Variants in NRXN3 observed in about 807,000 individuals in gnomAD.
NRXN3 encodes neurexin 3.
Under a neutral mutation model 137.6 loss-of-function variants are expected in NRXN3, and 32 were observed. That is an observed-to-expected ratio of 0.23 (90% CI 0.18 to 0.31). The LOEUF (loss-of-function observed/expected upper bound fraction) is 0.31. Among genes scored for constraint, NRXN3 ranks in the 10% least tolerant of loss-of-function variants. The pLI is 1.00. For missense variants in NRXN3, 1,574 were observed against 2,062.5 expected (o/e 0.76, Z 4.59); for synonymous variants, 798 against 784.5 (o/e 1.02, Z -0.29).
chr14:79,842,020 T>C (rs2099356874), intron 20 of NRXN3, among the ~76,000 whole-genome samples: 1 of 152,218 alleles, frequency 6.6e-6, no homozygotes, highest in Non-Finnish European at 1.5e-5. Context: ...TATTAGGAAC[T>C]ATAGAGGACT....
chr14:79,812,197 G>A (rs924942437), intron 20 of NRXN3, among the ~76,000 whole-genome samples: 2 of 152,026 alleles, frequency 1.3e-5, no homozygotes, highest in South Asian at 2.1e-4. Context: ...GCGAGGCAGG[G>A]GAATCCATAA....
Position 79,861,593 on chromosome 14 carries a change from T to C in NRXN3, c.4345T>C (p.Tyr1449His), listed in dbSNP as rs762662378. 1.2e-6 allele frequency: 2 copies of C among 1,612,138 alleles called. No homozygotes were observed. Among genetic ancestry groups the C allele is most frequent in the Admixed American group, 3.3e-5 (2 of 59,734 alleles). Residue 1449 changes from tyrosine to histidine, a missense_variant, in exon 21 of 21, where the codon TAT becomes CAT. Coordinates refer to ENST00000335750, the MANE Select transcript of NRXN3 (RefSeq NM_001330195.2). The surrounding 1 kb of genome is among the most constrained non-coding windows in gnomAD (Gnocchi z 5.4). The stretch of plus-strand genomic sequence containing the variant: ...AGTCTTGCTTCCGTTGCCCACTGCC[T>C]ATGAGCTAGACAGCACCAAACTGAA... ...DIVLLPLPTA[Y>H]ELDSTKLKSP... is the part of the protein sequence containing the mutation.
At position 78,709,477 on chromosome 14, in the gene NRXN3, G is replaced by A. The variant is rs777845862; in HGVS notation, c.1482G>A (p.Arg494=). Residue 494 remains arginine (R), a synonymous_variant, in exon 7 of 21, where the codon AGG becomes AGA. Coordinates refer to ENST00000335750, the MANE Select transcript of NRXN3 (RefSeq NM_001330195.2). ...TCACTCATGGAAAGCCCCAAGAGAG[G>A]AAGGATGCTCGGAGCCAGAAGAATA... ...ILFTHGKPQE[R]KDARSQKNTK... 6.2e-7 allele frequency: 1 copy of A among 1,614,134 alleles called. No individual in the cohort carries two copies.
At chr14:78,545,646 C>CA (rs2152132229) in intron 4 of NRXN3, among the ~76,000 whole-genome samples, 2 of 152,044 alleles carry the variant, frequency 1.3e-5, no homozygotes, top group Middle Eastern at 3.4e-3. Context: ...AGAATAAATA[C>CA]AAAAAAGTTT....
chr14:78,937,101 A>C (rs1187037996), intron 10 of NRXN3, among the ~76,000 whole-genome samples: 2 of 151,694 alleles, frequency 1.3e-5, no homozygotes, highest in African/African-American at 4.9e-5. Context: ...AGGCACCCGT[A>C]ATCCCAGCTA....
chr14:79,020,126 TC>T (rs1491585889), intron 15 of NRXN3, among the ~76,000 whole-genome samples: 2 of 10,760 alleles, frequency 1.9e-4, no homozygotes, highest in African/African-American at 1.2e-3. Context: ...TCTTTTCCTT[TC>T]CCTTCCCTTC....
At chr14:79,239,760 A>T (rs892073153) in intron 15 of NRXN3, among the ~76,000 whole-genome samples, 5 of 152,178 alleles carry the variant, frequency 3.3e-5, no homozygotes. Context: ...CTAAGTGTTC[A>T]TCAGAGGATA....
chr14:78,912,606 C>G lies in NRXN3; in HGVS notation c.2276-44636C>G, dbSNP rs1423583800. On this transcript the variant is annotated intron_variant, in intron 10 of 20. Coordinates refer to ENST00000335750, the MANE Select transcript of NRXN3 (RefSeq NM_001330195.2). ...AAGAAAATCTGTAAAGGATGGAAAACGCAGATAGTATGTTCAAAAGGTTAG... is the reference window on the plus strand; with the variant it reads ...AAGAAAATCTGTAAAGGATGGAAAAGGCAGATAGTATGTTCAAAAGGTTAG... Among the ~76,000 whole-genome samples the G allele has an allele frequency of 2.6e-5, 4 of 152,086 alleles. 1 individual carries two copies. In the South Asian group the frequency reaches 8.3e-4, roughly 32 times the overall value.
intron 2 of NRXN3, among the ~76,000 whole-genome samples, chr14:78,254,635 G>A (rs1330104756): frequency 1.3e-5 from 2 of 148,220 alleles, no homozygotes; most frequent in South Asian, 2.1e-4. Context: ...CCGAGATCAC[G>A]CCACTGCACT....
At chr14:78,668,662 C>A (rs1335206000) in intron 6 of NRXN3, among the ~76,000 whole-genome samples, 22 of 152,144 alleles carry the variant, frequency 1.4e-4, no homozygotes, top group Admixed American at 1.4e-3. Flanking sequence ...AGTGCCGAAG[C>A]TGAGACTCTC....
chr14:78,541,567 T>C (rs1025712785), intron 4 of NRXN3, among the ~76,000 whole-genome samples: 3 of 152,212 alleles, frequency 2.0e-5, no homozygotes, highest in Non-Finnish European at 4.4e-5. Context: ...AACATCCTCC[T>C]TTAGCTTGGA....
chr14:78,920,160 G>A (rs867622924), intron 10 of NRXN3, among the ~76,000 whole-genome samples: 2 of 151,950 alleles, frequency 1.3e-5, no homozygotes. Context: ...GTCTCATGTC[G>A]TCCCCACTCA....
chr14:79,817,382 A>C (rs2099255104), intron 20 of NRXN3, among the ~76,000 whole-genome samples: 1 of 152,182 alleles, frequency 6.6e-6, no homozygotes, highest in African/African-American at 2.4e-5. Context: ...CGATGGCAGC[A>C]TACACAACAT....
At chr14:79,528,395 A>C (rs2097140713) in intron 16 of NRXN3, among the ~76,000 whole-genome samples, 1 of 152,200 alleles carries the variant, frequency 6.6e-6, no homozygotes, top group South Asian at 2.1e-4. Flanking sequence ...AAGAATATTT[A>C]ATACTATTTT....
At chr14:78,949,239 C>T (rs1390538233) in intron 10 of NRXN3, among the ~76,000 whole-genome samples, 2 of 152,102 alleles carry the variant, frequency 1.3e-5, no homozygotes, top group Non-Finnish European at 2.9e-5. Flanking sequence ...GCTCCTCTTC[C>T]TTCTCCCCCT....
chr14:78,720,806 T>C (rs8019772), intron 8 of NRXN3, among the ~76,000 whole-genome samples: 151,377 of 152,370 alleles, frequency 0.99, 75,204 homozygotes, highest in Middle Eastern at 1. Flanking sequence ...ACACAGTCTA[T>C]CTTAAATAGC....
At chr14:79,415,145 C>T (rs1238636567) in intron 15 of NRXN3, among the ~76,000 whole-genome samples, 1 of 152,092 alleles carries the variant, frequency 6.6e-6, no homozygotes, top group Non-Finnish European at 1.5e-5. Flanking sequence ...CACGGACACT[C>T]AGGTTGATAT....
chr14:79,027,199 G>A (rs1279531081), intron 15 of NRXN3, among the ~76,000 whole-genome samples: 1 of 143,966 alleles, frequency 6.9e-6, no homozygotes, highest in Non-Finnish European at 1.5e-5. Context: ...TTTTTCTTTT[G>A]ATAAAAGGAA....
At chr14:78,976,994 G>T (rs995544028) in intron 14 of NRXN3, among the ~76,000 whole-genome samples, 4 of 152,158 alleles carry the variant, frequency 2.6e-5, no homozygotes, top group African/African-American at 4.8e-5. Flanking sequence ...TGTTTCATAG[G>T]TGACTTTATA....
Sources: gnomAD v4.1 joint callset for allele counts (sites outside exome capture counted in the v4.1 genomes callset) on GRCh38, gnomAD v4.1.1 for gene constraint, Gnocchi (gnomAD v3.1) non-coding constraint, MANE v1.5 for transcripts, NCBI Gene and HGNC (gene_info 2026-07-23, HGNC 2026-07-21) for gene names.